BRINP1: variants seen among roughly 807,000 people sequenced by gnomAD.
BRINP1 encodes the protein BMP/retinoic acid-inducible neural-specific protein 1.
In BRINP1, 17 loss-of-function variants were observed where a neutral mutation model predicts 72.9. That is an observed-to-expected ratio of 0.23 (90% CI 0.16 to 0.35). The LOEUF is 0.35. Ranked by LOEUF, BRINP1 falls within the 10% of genes least tolerant of loss-of-function variation. The pLI is 1.00. For synonymous variants in BRINP1, 418 were observed against 378.5 expected (o/e 1.10, Z -1.21); for missense variants, 850 against 1,001.6 (o/e 0.85, Z 2.04).
intron 2 of BRINP1, among the ~76,000 whole-genome samples, chr9:119,298,612 C>A (rs113054866): frequency 4.6e-5 from 7 of 152,240 alleles, no homozygotes; most frequent in African/African-American, 1.4e-4. Flanking sequence ...GCATCAAATA[C>A]CCGCAGCCTC....
intron 7 of BRINP1, among the ~76,000 whole-genome samples, chr9:119,186,607 T>C (rs1829623353): frequency 6.6e-6 from 1 of 151,892 alleles, no homozygotes; most frequent in African/African-American, 2.4e-5. Context: ...GGTGCTTGAG[T>C]CCACACAGCA....
chr9:119,175,151 A>G (rs1434528266), intron 7 of BRINP1, among the ~76,000 whole-genome samples: 1 of 151,690 alleles, frequency 6.6e-6, no homozygotes, highest in East Asian at 1.9e-4. Context: ...AAAAAAGAAA[A>G]TGTGGCACAT....
intron 2 of BRINP1, among the ~76,000 whole-genome samples, chr9:119,289,186 G>A (rs1830798807): frequency 6.6e-6 from 1 of 152,196 alleles, no homozygotes; most frequent in Non-Finnish European, 1.5e-5. Flanking sequence ...TAAAGCAAAA[G>A]AACAGAATGA....
chr9:119,188,165 A>C (rs1411800786), intron 7 of BRINP1, among the ~76,000 whole-genome samples: 1 of 150,116 alleles, frequency 6.7e-6, no homozygotes, highest in Non-Finnish European at 1.5e-5. Flanking sequence ...ATAATTGTTA[A>C]ACATTTCCCA....
At chr9:119,191,745 G>C (rs535252233) in intron 7 of BRINP1, among the ~76,000 whole-genome samples, 72 of 151,874 alleles carry the variant, frequency 4.7e-4, no homozygotes, top group African/African-American at 1.7e-3. Flanking sequence ...AATCTTCACA[G>C]AAATAGAAAA....
chr9:119,313,464 A>G, intron 1 of BRINP1, 59 bp from the exon 2 acceptor site: 1 of 1,420,476 alleles, frequency 7.0e-7, no homozygotes, highest in Non-Finnish European at 9.3e-7. Context: ...GAGAGAGAGG[A>G]GAGGGGAAGA....
At position 119,192,145 on chromosome 9, in the gene BRINP1, A is replaced by G. The variant is rs78957464; in HGVS notation, c.1145+16574T>C. 1.0e-3 allele frequency among the ~76,000 whole-genome samples: 154 copies of G among 152,074 alleles called. 1 individual carries two copies. In the East Asian group the frequency reaches 0.028, roughly 28 times the overall value. ...TCATTGGAAGATCTGAAACCCAAAA[A>G]ACTCCTAGAAGAGAACATAAGTAGA... On this transcript the variant is annotated intron_variant, in intron 7 of 7. Transcript: ENST00000265922.
intron 7 of BRINP1, among the ~76,000 whole-genome samples, chr9:119,193,961 C>G (rs538202288): frequency 6.6e-6 from 1 of 152,220 alleles, no homozygotes; most frequent in East Asian, 1.9e-4. Context: ...CCTTTTGTAC[C>G]TCTGAGATCC....
chr9:119,167,771 G>T lies in BRINP1; in HGVS notation c.1599C>A (p.Asn533Lys). The change falls in exon 8 of 8, where the codon AAC becomes AAA. Residue 533 changes from asparagine to lysine, a missense_variant. By Grantham distance (94) the Asn-to-Lys change is moderately conservative (BLOSUM62 0). Transcript: ENST00000265922. The surrounding 1 kb of genome is among the most constrained non-coding windows in gnomAD (Gnocchi z 4.3). Reference protein sequence around the residue: ...RMSLTLKSNKNRMDFIHMVIG... With the variant: ...RMSLTLKSNKKRMDFIHMVIG... Reference sequence around the variant, plus strand: ...TCACCATGTGGATGAAGTCCATGCGGTTCTTGTTGCTCTTGAGAGTGAGGG... The same window carrying T: ...TCACCATGTGGATGAAGTCCATGCGTTTCTTGTTGCTCTTGAGAGTGAGGG... 6.2e-7 allele frequency: 1 copy of T among 1,614,158 alleles called. No homozygotes were observed. The highest frequency in any genetic ancestry group is 1.3e-5 in the African/African-American group (1 of 75,036).
chr9:119,230,255 G>A (rs1310320857), intron 5 of BRINP1, among the ~76,000 whole-genome samples: 1 of 152,102 alleles, frequency 6.6e-6, no homozygotes, highest in Non-Finnish European at 1.5e-5. Flanking sequence ...GATTGGCAAG[G>A]CTTGCATTTG....
chr9:119,363,246 G>A (rs1271212490), intron 1 of BRINP1, among the ~76,000 whole-genome samples: 2 of 152,114 alleles, frequency 1.3e-5, no homozygotes, highest in Non-Finnish European at 2.9e-5. Context: ...GGGACTACAG[G>A]TGCCCAGCTG....
chr9:119,298,615 G>T (rs558505260), intron 2 of BRINP1, among the ~76,000 whole-genome samples: 1 of 151,788 alleles, frequency 6.6e-6, no homozygotes, highest in Non-Finnish European at 1.5e-5. Context: ...TCAAATACCC[G>T]CAGCCTCTCA....
intron 5 of BRINP1, among the ~76,000 whole-genome samples, chr9:119,217,932 T>G (rs2118881435): frequency 6.6e-6 from 1 of 152,168 alleles, no homozygotes. Context: ...CACCGAATAT[T>G]CTCTCCTCAG....
chr9:119,299,521 G>A (rs1285408039), intron 2 of BRINP1, among the ~76,000 whole-genome samples: 1 of 151,628 alleles, frequency 6.6e-6, no homozygotes, highest in African/African-American at 2.4e-5. Context: ...GCTGAGGCAG[G>A]AGAATCACTT....
chr9:119,256,009 C>A (rs1185298151), intron 2 of BRINP1, among the ~76,000 whole-genome samples: 23 of 144,664 alleles, frequency 1.6e-4, no homozygotes, highest in African/African-American at 5.5e-4. Context: ...AGAACTGGCT[C>A]TGTGCTCTTG....
intron 1 of BRINP1, among the ~76,000 whole-genome samples, chr9:119,337,926 C>A (rs576030272): frequency 1.3e-5 from 2 of 152,226 alleles, no homozygotes; most frequent in Non-Finnish European, 2.9e-5. Flanking sequence ...GAGTGTTTCA[C>A]TGGGAACCTA....
At chr9:119,182,884 T>G (rs767227870) in intron 7 of BRINP1, among the ~76,000 whole-genome samples, 2 of 152,196 alleles carry the variant, frequency 1.3e-5, no homozygotes, top group Non-Finnish European at 2.9e-5. Context: ...TCAAAAAGCA[T>G]ATTCAAAAAG....
chr9:119,240,596 C>T (rs1260703619), intron 4 of BRINP1, among the ~76,000 whole-genome samples: 3 of 152,156 alleles, frequency 2.0e-5, no homozygotes, highest in East Asian at 1.9e-4. Context: ...ACTCTGACTC[C>T]GATGGCTTCA....
chr9:119,339,007 G>A (rs1369750364), intron 1 of BRINP1, among the ~76,000 whole-genome samples: 3 of 152,116 alleles, frequency 2.0e-5, no homozygotes, highest in Admixed American at 2.0e-4. Flanking sequence ...TGAAATAAGA[G>A]AAGGAAAAAT....
Sources: allele counts gnomAD v4.1 joint callset (sites outside exome capture counted in the v4.1 genomes callset), GRCh38; gene constraint gnomAD v4.1.1; non-coding constraint Gnocchi (gnomAD v3.1); transcripts MANE v1.5; gene names NCBI Gene and HGNC (gene_info 2026-07-23, HGNC 2026-07-21).